Variants in ITPK1 observed in about 807,000 individuals in gnomAD.
ITPK1 encodes inositol 1,3,4-trisphosphate 5/6-kinase.
ITPK1 carries 21 observed loss-of-function variants against 45.3 expected under a neutral mutation model. The ratio of observed to expected loss-of-function variants is 0.46; its 90% CI spans 0.33 to 0.67. The LOEUF is 0.67. ITPK1 is among the 30% of genes least tolerant of loss of function. The pLI, the probability that ITPK1 is intolerant of heterozygous loss-of-function variation, is 0.02. For synonymous variants in ITPK1, 258 were observed against 253.6 expected, an observed-to-expected ratio of 1.02 and a Z score of -0.16; for missense variants, 474 against 573.5, an observed-to-expected ratio of 0.83 and a Z score of 1.77.
intron 5 of ITPK1, among the ~76,000 whole-genome samples, chr14:92,969,074 G>A (rs554805697): frequency 4.3e-4 from 65 of 152,226 alleles, no homozygotes; most frequent in East Asian, 9.6e-4. Context: ...AAAGCATCCC[G>A]ACACACCCAT....
intron 2 of ITPK1, among the ~76,000 whole-genome samples, chr14:93,083,053 G>A (rs540507835): frequency 6.6e-6 from 1 of 152,308 alleles, no homozygotes; most frequent in South Asian, 2.1e-4. Flanking sequence ...AATTACTCTG[G>A]ATGACCCAGC....
intron 5 of ITPK1, among the ~76,000 whole-genome samples, chr14:92,991,509 G>A (rs1303691342): frequency 6.6e-6 from 1 of 152,084 alleles, no homozygotes; most frequent in Non-Finnish European, 1.5e-5. Context: ...GCCCTCTCCT[G>A]GAACACCCAC....
chr14:92,966,245 G>A (rs1885348987), intron 5 of ITPK1, among the ~76,000 whole-genome samples: 1 of 152,142 alleles, frequency 6.6e-6, no homozygotes, highest in Admixed American at 6.5e-5. Flanking sequence ...TCCCGCCTCA[G>A]CCTCCCAAAG....
At chr14:93,011,350 G>A (rs977616098) in intron 4 of ITPK1, among the ~76,000 whole-genome samples, 2 of 152,220 alleles carry the variant, frequency 1.3e-5, no homozygotes, top group Admixed American at 6.5e-5. Context: ...CTAGCAGGGA[G>A]GGCCCCAAAC....
intron 3 of ITPK1, among the ~76,000 whole-genome samples, chr14:93,021,215 C>A (rs555963393): frequency 2.6e-5 from 4 of 151,938 alleles, no homozygotes; most frequent in Non-Finnish European, 4.4e-5. Flanking sequence ...ACTGCCATTG[C>A]CAAAGTTCAA....
intron 2 of ITPK1, among the ~76,000 whole-genome samples, chr14:93,107,088 G>T (rs1892557258): frequency 1.3e-5 from 2 of 152,100 alleles, no homozygotes; most frequent in Admixed American, 6.6e-5. Context: ...GTCCCAAGTA[G>T]CTGGGATAAC....
intron 5 of ITPK1, among the ~76,000 whole-genome samples, chr14:92,972,127 T>C (rs1211333898): frequency 6.6e-6 from 1 of 152,226 alleles, no homozygotes; most frequent in African/African-American, 2.4e-5. Context: ...TCACCTGTAC[T>C]GAGACAGCTC....
chr14:92,939,742 C>A lies in ITPK1; in HGVS notation c.*1819G>T. On this transcript the variant is annotated 3_prime_UTR_variant, in exon 11 of 11. Transcript: ENST00000267615. ...TCACGCTGCACACCCCCACCCGTAC[C>A]TGAGGCAGACTGGGATTGAAATTTT... 3.0e-6 allele frequency: 3 copies of A among 985,566 alleles called. No individual in the cohort carries two copies. Among genetic ancestry groups the A allele is most frequent in the Non-Finnish European group, 3.6e-6 (3 of 829,946 alleles). The allele number at this position is 985,566 out of a possible 1,614,324, so 61.1% of individuals were successfully genotyped here. A position where few individuals can be genotyped will look rare whatever the true frequency, so the allele number is the denominator to read the frequency against.
chr14:93,091,153 G>C (rs1462157254), intron 2 of ITPK1, among the ~76,000 whole-genome samples: 1 of 152,246 alleles, frequency 6.6e-6, no homozygotes, highest in Non-Finnish European at 1.5e-5. Flanking sequence ...CTGGCTGATT[G>C]CATATAATTA....
chr14:93,098,302 A>G (rs28684402), intron 2 of ITPK1, among the ~76,000 whole-genome samples: 40,435 of 151,552 alleles, frequency 0.27, 6,191 homozygotes, highest in African/African-American at 0.43. Flanking sequence ...TAAAACTACA[A>G]AAAAAGTAGC....
intron 5 of ITPK1, among the ~76,000 whole-genome samples, chr14:92,971,269 G>A (rs3783919): frequency 0.21 from 31,297 of 152,112 alleles, 3,525 homozygotes; most frequent in East Asian, 0.32. Flanking sequence ...TATATCAGCC[G>A]TATGACCCTG....
chr14:93,115,595 C>A (rs1020470255), intron 1 of ITPK1, among the ~76,000 whole-genome samples, 177 bp downstream of exon 1: 54 of 148,626 alleles, frequency 3.6e-4, no homozygotes, highest in African/African-American at 1.3e-3. Context: ...TCCCGCCGCG[C>A]GGGCCCGAGC....
Position 92,941,374 on chromosome 14 carries a change from C to T in ITPK1, c.*187G>A. 7.1e-7 allele frequency: 1 copy of T among 1,416,590 alleles called. No homozygotes were observed. The highest frequency in any genetic ancestry group is 9.1e-7 in the Non-Finnish European group (1 of 1,092,936). 87.8% of individuals were successfully genotyped at this position (1,416,590 alleles called of 1,614,324 possible). On this transcript the variant is annotated 3_prime_UTR_variant, in exon 11 of 11. Transcript: ENST00000267615. ...GCCCCACTCCCCAACGGTGGACCACCTGGTACTCTCTTCCATCCCCCACTA... is the reference window on the plus strand; with the variant it reads ...GCCCCACTCCCCAACGGTGGACCACTTGGTACTCTCTTCCATCCCCCACTA...
chr14:92,996,392 T>C (rs1406079627), intron 4 of ITPK1, among the ~76,000 whole-genome samples: 4 of 140,852 alleles, frequency 2.8e-5, no homozygotes, highest in Admixed American at 7.3e-5. Context: ...ATGAGAACAC[T>C]TGGACACAGG....
chr14:93,099,277 G>C (rs1892214880), intron 2 of ITPK1, among the ~76,000 whole-genome samples: 1 of 152,122 alleles, frequency 6.6e-6, no homozygotes, highest in Non-Finnish European at 1.5e-5. Context: ...CTAGTTCACA[G>C]CTGCTCCAGG....
Position 92,939,983 on chromosome 14 carries a change from G to T in ITPK1, c.*1578C>A. On this transcript the variant is annotated 3_prime_UTR_variant, in exon 11 of 11. Transcript: ENST00000267615. ...AGGTGACGTACAGACATTAATCGGG[G>T]TTCAAAACTCAAGTCGTGTAAACGT... The T allele has an allele frequency of 1.0e-6, 1 of 985,890 alleles. No individual in the cohort carries two copies. The highest frequency in any genetic ancestry group is 1.2e-6 in the Non-Finnish European group (1 of 829,954). 61.1% of individuals were successfully genotyped at this position (985,890 alleles called of 1,614,324 possible). A position where few individuals can be genotyped will look rare whatever the true frequency, so the allele number is the denominator to read the frequency against.
At position 93,012,037 on chromosome 14, in the gene ITPK1, G is replaced by A. The variant is rs545821386; in HGVS notation, c.246+4639C>T. Reference sequence around the variant, plus strand: ...GCCATCTGCCTCATTAACGCTCCTGGCCTCCTCCCTCCCCGCTCCAAGCAG... The same window carrying A: ...GCCATCTGCCTCATTAACGCTCCTGACCTCCTCCCTCCCCGCTCCAAGCAG... On this transcript the variant is annotated intron_variant, in intron 4 of 10. Transcript: ENST00000267615. This position sits in a 1 kb window ranked among gnomAD's most constrained non-coding sequence, Gnocchi z 4.9. Among the ~76,000 whole-genome samples, 18 of 152,162 alleles carry A rather than the reference G, an allele frequency of 1.2e-4. No homozygotes were observed. Among genetic ancestry groups the A allele is most frequent in the African/African-American group, 3.9e-4 (16 of 41,530 alleles).
intron 4 of ITPK1, among the ~76,000 whole-genome samples, chr14:92,998,457 C>T (rs1385685192): frequency 6.6e-6 from 1 of 152,112 alleles, no homozygotes; most frequent in African/African-American, 2.4e-5. Context: ...CCAAGGGATT[C>T]GTTTTTCAGA....
chr14:93,022,868 GAAAA>G (rs970258133), intron 3 of ITPK1, among the ~76,000 whole-genome samples: 2 of 151,948 alleles, frequency 1.3e-5, no homozygotes, highest in Non-Finnish European at 2.9e-5. Context: ...CAAAAACAAA[GAAAA>G]AAACAGTAAC....
Sources: gnomAD v4.1 joint callset for allele counts (sites outside exome capture counted in the v4.1 genomes callset) on GRCh38, gnomAD v4.1.1 for gene constraint, Gnocchi (gnomAD v3.1) non-coding constraint, MANE v1.5 for transcripts, NCBI Gene and HGNC (gene_info 2026-07-23, HGNC 2026-07-21) for gene names.